PAPPA2: variants seen among roughly 807,000 people sequenced by gnomAD.
The protein encoded by PAPPA2 is pappalysin 2.
PAPPA2 carries 86 observed loss-of-function variants against 176.4 expected under a neutral mutation model. The observed-to-expected ratio is 0.49, with a 90% CI of 0.41 to 0.58. PAPPA2 has a LOEUF of 0.58. Among genes scored for constraint, PAPPA2 ranks in the 20% least tolerant of loss-of-function variants. PAPPA2 has a pLI of 0.00. For synonymous variants in PAPPA2, 809 were observed against 852.2 expected, an observed-to-expected ratio of 0.95 and a Z score of 0.88; for missense variants, 2,073 against 2,256.9, an observed-to-expected ratio of 0.92 and a Z score of 1.65.
intron 1 of PAPPA2, among the ~76,000 whole-genome samples, chr1:176,466,921 C>A (rs563968667): frequency 1.2e-4 from 18 of 152,326 alleles, no homozygotes; most frequent in Admixed American, 1.2e-3. Context: ...GCATAGAAAT[C>A]CTAAATTGTA....
At chr1:176,823,113 A>G (rs1325598) in intron 21 of PAPPA2, among the ~76,000 whole-genome samples, 93,615 of 152,108 alleles carry the variant, frequency 0.62, 29,390 homozygotes, top group East Asian at 0.76. Context: ...AATGAAGAAC[A>G]TAATTTTTCC....
chr1:176,649,158 TTTGTAGG>T lies in PAPPA2; in HGVS notation c.1992-21806_1992-21800del, dbSNP rs2102739660. 2.0e-5 allele frequency among the ~76,000 whole-genome samples: 3 copies of T among 151,548 alleles called. No homozygotes were observed. The South Asian group carries it at 6.2e-4, about 31-fold the overall frequency. ...GTTTTTATTTCTTCATGGTTCAATC[TTTGTAGG>T]TTGTATGTGTCCAGAAATTAACTCA... On this transcript the variant is annotated intron_variant, in intron 3 of 22. Transcript: ENST00000367662.
At chr1:176,723,235 C>T (rs935103442) in intron 12 of PAPPA2, among the ~76,000 whole-genome samples, 1 of 152,188 alleles carries the variant, frequency 6.6e-6, no homozygotes, top group Non-Finnish European at 1.5e-5. Context: ...CTTTGAAAGG[C>T]TCTGTCTCTT....
intron 3 of PAPPA2, among the ~76,000 whole-genome samples, chr1:176,604,514 A>C (rs1156944242): frequency 6.6e-6 from 1 of 152,232 alleles, no homozygotes; most frequent in Non-Finnish European, 1.5e-5. Context: ...TTTTGTAAAT[A>C]AAATTATTTT....
At chr1:176,466,952 ATGGGAGGT>A (rs1651651556) in intron 1 of PAPPA2, among the ~76,000 whole-genome samples, 1 of 152,200 alleles carries the variant, frequency 6.6e-6, no homozygotes, top group Admixed American at 6.5e-5. Context: ...CTGAGACCAT[ATGGGAGGT>A]CCAACCCTTC....
chr1:176,534,648 T>G (rs774694181), intron 1 of PAPPA2, among the ~76,000 whole-genome samples: 1 of 152,220 alleles, frequency 6.6e-6, no homozygotes, highest in Middle Eastern at 3.2e-3. Flanking sequence ...GTGGCTAGTC[T>G]GAATGGAGTA....
At chr1:176,522,285 T>A (rs1649256612) in intron 1 of PAPPA2, among the ~76,000 whole-genome samples, 1 of 152,252 alleles carries the variant, frequency 6.6e-6, no homozygotes, top group South Asian at 2.1e-4. Context: ...ATTGAGACTA[T>A]CCTCATTCTT....
At chr1:176,478,548 T>C (rs1348463977) in intron 1 of PAPPA2, among the ~76,000 whole-genome samples, 1 of 152,260 alleles carries the variant, frequency 6.6e-6, no homozygotes, top group African/African-American at 2.4e-5. Context: ...AATCACAGCC[T>C]CATGATAGTT....
intron 2 of PAPPA2, among the ~76,000 whole-genome samples, chr1:176,591,018 G>GT (rs1349478511): frequency 6.6e-6 from 1 of 151,554 alleles, no homozygotes; most frequent in African/African-American, 2.4e-5. Context: ...TATTTGGAAA[G>GT]CTTAAGGACT....
At chr1:176,781,192 C>A (rs1571318172) in intron 17 of PAPPA2, among the ~76,000 whole-genome samples, 1 of 151,808 alleles carries the variant, frequency 6.6e-6, no homozygotes, top group African/African-American at 2.4e-5. Flanking sequence ...ACCTAGGGAC[C>A]AGGCATTATT....
chr1:176,593,881 G>T (rs1573093758), intron 2 of PAPPA2, among the ~76,000 whole-genome samples: 1 of 152,186 alleles, frequency 6.6e-6, no homozygotes, highest in East Asian at 1.9e-4. Flanking sequence ...ATGGGGCAGT[G>T]CCATATTGCT....
chr1:176,714,408 GA>G lies in PAPPA2; in HGVS notation c.3798+2439del, dbSNP rs768658419. Among the ~76,000 whole-genome samples, 970 of 135,938 alleles carry G rather than the reference GA, an allele frequency of 7.1e-3. 14 individuals carry two copies. The highest frequency in any genetic ancestry group is 0.02 in the African/African-American group (737 of 37,288). 89.2% of individuals were successfully genotyped at this position (135,938 alleles called of 152,430 possible). Reference sequence around the variant, plus strand: ...ATTGGGAGACTTAGCCTTACTGGGAGAAAAAAAAAAAAGGATACCTTGAGGA... The same window carrying G: ...ATTGGGAGACTTAGCCTTACTGGGAGAAAAAAAAAAAGGATACCTTGAGGA... On this transcript the variant is annotated intron_variant, in intron 12 of 22. Transcript: ENST00000367662.
At position 176,604,584 on chromosome 1, in the gene PAPPA2, T is replaced by C. The variant is rs1225990152; in HGVS notation, c.1991+8989T>C. Among the ~76,000 whole-genome samples, 7 of 152,316 alleles carry C rather than the reference T, an allele frequency of 4.6e-5. No homozygotes were observed. The South Asian group carries it at 6.2e-4, about 14-fold the overall frequency. On this transcript the variant is annotated intron_variant, in intron 3 of 22. Coordinates refer to ENST00000367662, the MANE Select transcript of PAPPA2 (RefSeq NM_020318.3). ...CTATGGCTGCTTTCATGTGGCAGAG[T>C]TGTGCAGTTAAAACAAAGACCATGT... is the stretch of plus-strand genomic sequence containing the variant.
At chr1:176,783,641 C>T (rs12116507) in intron 17 of PAPPA2, among the ~76,000 whole-genome samples, 48,867 of 151,848 alleles carry the variant, frequency 0.32, 8,422 homozygotes, top group African/African-American at 0.42. Flanking sequence ...TCCCCTAACC[C>T]CGACTCCTCG....
chr1:176,671,329 T>C (rs563777788), intron 4 of PAPPA2, among the ~76,000 whole-genome samples: 8 of 152,206 alleles, frequency 5.3e-5, no homozygotes, highest in Non-Finnish European at 1.2e-4. Flanking sequence ...TGGCAAATGC[T>C]CAGGATGTTC....
At chr1:176,740,496 T>C (rs993876716) in intron 14 of PAPPA2, among the ~76,000 whole-genome samples, 5 of 152,238 alleles carry the variant, frequency 3.3e-5, no homozygotes, top group East Asian at 1.9e-4. Context: ...AACATTGTTA[T>C]ATAAACTGCC....
intron 12 of PAPPA2, among the ~76,000 whole-genome samples, chr1:176,730,015 T>A (rs916324540): frequency 3.9e-5 from 6 of 152,004 alleles, no homozygotes; most frequent in Non-Finnish European, 7.4e-5. Context: ...CAAGACTACA[T>A]ACTTATTGTA....
chr1:176,538,138 T>C (rs1650169938), intron 1 of PAPPA2, among the ~76,000 whole-genome samples: 1 of 152,122 alleles, frequency 6.6e-6, no homozygotes, highest in Admixed American at 6.5e-5. Context: ...CACCTTCTCT[T>C]CCTACCATTT....
In PAPPA2 at chr1:176,758,316, G is replaced by C. The variant is rs1004720655; in HGVS notation, c.4152-7350G>C. Among the ~76,000 whole-genome samples the C allele has an allele frequency of 3.9e-5, 6 of 152,224 alleles. No homozygotes were observed. In the South Asian group the frequency reaches 1.2e-3, roughly 31 times the overall value. On this transcript the variant is annotated intron_variant, in intron 14 of 22. Transcript: ENST00000367662. ...AACCTGGTTCCTGTCCTACAAAGCA[G>C]AGATGAATCCAGAAGTGAGGAGGAA...
Sources: allele counts gnomAD v4.1 joint callset (sites outside exome capture counted in the v4.1 genomes callset), GRCh38; gene constraint gnomAD v4.1.1; transcripts MANE v1.5; gene names NCBI Gene and HGNC (gene_info 2026-07-23, HGNC 2026-07-21).